DNAJC1: variants seen among roughly 807,000 people sequenced by gnomAD.
DNAJC1 encodes the protein DnaJ heat shock protein family (Hsp40) member C1, also known as dnaJ homolog subfamily C member 1.
In DNAJC1, 58 loss-of-function variants were observed where a neutral mutation model predicts 76.6. That is an observed-to-expected ratio of 0.76 (90% CI 0.61 to 0.94). DNAJC1 has a LOEUF of 0.94. Ranked by LOEUF, DNAJC1 falls within the 40% of genes least tolerant of loss-of-function variation. The probability of loss-of-function intolerance (pLI) is 0.00; values close to 1 mark genes in which losing one functional copy is unlikely to be tolerated. For synonymous variants in DNAJC1, 258 were observed against 267.9 expected, an observed-to-expected ratio of 0.96 and a Z score of 0.36; for missense variants, 689 against 677.3, an observed-to-expected ratio of 1.02 and a Z score of -0.19.
chr10:21,826,237 C>A (rs866844577), intron 8 of DNAJC1, among the ~76,000 whole-genome samples: 35 of 77,480 alleles, frequency 4.5e-4, no homozygotes, highest in East Asian at 6.5e-4. Context: ...AGACTTTGTC[C>A]AAAAAAAAAA....
rs1158973001 is a variant in DNAJC1 at position 21,904,550 on chromosome 10, C to G, written c.792G>C (p.Leu264=). The change falls in exon 7 of 12, where the codon CTG becomes CTC. Residue 264 remains leucine, a synonymous_variant. Transcript: ENST00000376980. ...GAAGTGTTTCAAGTTCAGTTCTAGT[C>G]AGTGCATCTTCCTTTTCCTTCAATC... ...ETRLKEKEDA[L]TRTELETLQK... is the part of the protein sequence containing the mutation. 6 of 1,603,946 alleles carry G rather than the reference C, an allele frequency of 3.7e-6. No homozygotes were observed. The South Asian group carries it at 5.6e-5, about 15-fold the overall frequency.
chr10:21,807,658 G>A (rs1834900457), intron 8 of DNAJC1, among the ~76,000 whole-genome samples: 1 of 152,156 alleles, frequency 6.6e-6, no homozygotes, highest in Admixed American at 6.5e-5. Context: ...GTAAATAATA[G>A]CCAATAGTAG....
intron 10 of DNAJC1, among the ~76,000 whole-genome samples, chr10:21,761,308 C>T (rs752888700): frequency 5.3e-5 from 8 of 152,034 alleles, no homozygotes; most frequent in Non-Finnish European, 8.8e-5. Context: ...CCTGTAATCC[C>T]AACACTTTGG....
chr10:21,759,790 G>T (rs1439175544), intron 10 of DNAJC1, among the ~76,000 whole-genome samples, 172 bp from the exon 11 acceptor site: 1 of 152,170 alleles, frequency 6.6e-6, no homozygotes, highest in Non-Finnish European at 1.5e-5. Flanking sequence ...TTACCCTAAT[G>T]TTACAGATGA....
At chr10:21,939,660 T>C (rs1316461869) in intron 1 of DNAJC1, among the ~76,000 whole-genome samples, 1 of 152,122 alleles carries the variant, frequency 6.6e-6, no homozygotes, top group African/African-American at 2.4e-5. Flanking sequence ...AGGTGTATGG[T>C]AGGCTATACC....
rs1300237448 is a variant in DNAJC1 at position 21,908,111 on chromosome 10, AAT to A, written c.730-3501_730-3500del. Among the ~76,000 whole-genome samples the A allele has an allele frequency of 4.1e-3, 451 of 111,030 alleles. 4 individuals are homozygous for A. Among genetic ancestry groups the A allele is most frequent in the African/African-American group, 0.014 (384 of 27,344 alleles). 72.8% of individuals were successfully genotyped at this position (111,030 alleles called of 152,430 possible). ...TATATAAAATATATATAATATATAA[AAT>A]ATATATATAATATATAATATATAAA... On this transcript the variant is annotated intron_variant, in intron 6 of 11. Coordinates refer to ENST00000376980, the MANE Select transcript of DNAJC1 (RefSeq NM_022365.4).
At chr10:21,964,179 C>G (rs2131821367) in intron 1 of DNAJC1, among the ~76,000 whole-genome samples, 1 of 152,252 alleles carries the variant, frequency 6.6e-6, no homozygotes, top group South Asian at 2.1e-4. Flanking sequence ...TGATGACTCT[C>G]ATCAAACATA....
intron 1 of DNAJC1, among the ~76,000 whole-genome samples, chr10:21,972,333 T>C (rs186763382): frequency 2.0e-5 from 3 of 151,964 alleles, no homozygotes; most frequent in African/African-American, 4.8e-5. Context: ...CTGCCTCAGG[T>C]AGGGATCAAG....
intron 1 of DNAJC1, among the ~76,000 whole-genome samples, chr10:21,958,478 G>C (rs1026671748): frequency 2.6e-5 from 4 of 151,494 alleles, no homozygotes; most frequent in African/African-American, 9.7e-5. Context: ...GCCCAGGCTG[G>C]AGTGCAGTGG....
intron 3 of DNAJC1, among the ~76,000 whole-genome samples, chr10:21,924,346 G>A (rs1316230002): frequency 1.3e-5 from 2 of 151,970 alleles, no homozygotes; most frequent in Admixed American, 6.5e-5. Flanking sequence ...TAAATGAAAC[G>A]TTATTTAGTA....
intron 3 of DNAJC1, among the ~76,000 whole-genome samples, chr10:21,925,187 T>C (rs1837108278): frequency 6.6e-6 from 1 of 152,088 alleles, no homozygotes; most frequent in South Asian, 2.1e-4. Flanking sequence ...AATTTTTTTA[T>C]TTTTTGTAGA....
intron 8 of DNAJC1, among the ~76,000 whole-genome samples, chr10:21,827,206 C>T (rs932112234): frequency 1.3e-5 from 2 of 152,132 alleles, no homozygotes; most frequent in African/African-American, 4.8e-5. Flanking sequence ...CCAGTTACTA[C>T]CACTTGCTTA....
At chr10:21,870,251 T>A (rs1836081141) in intron 8 of DNAJC1, among the ~76,000 whole-genome samples, 1 of 152,104 alleles carries the variant, frequency 6.6e-6, no homozygotes, top group South Asian at 2.1e-4. Flanking sequence ...TTAACAATAT[T>A]CATTTGTAAT....
At chr10:21,972,127 T>C (rs1837989864) in intron 1 of DNAJC1, among the ~76,000 whole-genome samples, 1 of 151,980 alleles carries the variant, frequency 6.6e-6, no homozygotes, top group African/African-American at 2.4e-5. Flanking sequence ...ACTAAAAGAA[T>C]GAAATTACAA....
chr10:21,865,104 C>T (rs892483614), intron 8 of DNAJC1, among the ~76,000 whole-genome samples: 8 of 152,142 alleles, frequency 5.3e-5, no homozygotes, highest in African/African-American at 1.9e-4. Context: ...GCACTTCTCA[C>T]ACACTGCTGG....
At chr10:21,985,340 C>G (rs372802941) in intron 1 of DNAJC1, among the ~76,000 whole-genome samples, 3 of 151,764 alleles carry the variant, frequency 2.0e-5, no homozygotes, top group African/African-American at 7.3e-5. Context: ...ACCTCTGCCT[C>G]CCAGGTTCAA....
At chr10:21,783,184 A>G (rs2131629150) in intron 9 of DNAJC1, among the ~76,000 whole-genome samples, 1 of 152,336 alleles carries the variant, frequency 6.6e-6, no homozygotes, top group East Asian at 1.9e-4. Context: ...CCTTAAACTG[A>G]TAAGCAACTT....
intron 1 of DNAJC1, among the ~76,000 whole-genome samples, chr10:21,931,812 A>G (rs924290765): frequency 1.3e-5 from 2 of 152,192 alleles, no homozygotes; most frequent in African/African-American, 4.8e-5. Context: ...TAGATGTTTT[A>G]TCTCTCCAGC....
At chr10:21,981,524 T>C (rs1049975324) in intron 1 of DNAJC1, among the ~76,000 whole-genome samples, 1 of 152,202 alleles carries the variant, frequency 6.6e-6, no homozygotes, top group Non-Finnish European at 1.5e-5. Flanking sequence ...ATAACAGTTA[T>C]GATCTTTGAG....
Sources: gnomAD v4.1 joint callset for allele counts (sites outside exome capture counted in the v4.1 genomes callset) on GRCh38, gnomAD v4.1.1 for gene constraint, MANE v1.5 for transcripts, NCBI Gene and HGNC (gene_info 2026-07-23, HGNC 2026-07-21) for gene names.